The following PVT1 variants were observed in gnomAD, a reference collection of about 807,000 sequenced individuals.
PVT1 encodes CXCR4/PVT1 fusion.
chr8:127,814,298 G>T (rs571286119), intron 2 of PVT1, among the ~76,000 whole-genome samples: 219 of 152,266 alleles, frequency 1.4e-3, no homozygotes, highest in African/African-American at 5.1e-3. Context: ...GCCATATCTG[G>T]GTCTCTCCAG....
At chr8:127,939,184 C>G (rs1054643663) in intron 3 of PVT1, among the ~76,000 whole-genome samples, 1 of 152,222 alleles carries the variant, frequency 6.6e-6, no homozygotes, top group Non-Finnish European at 1.5e-5. Context: ...TCCTCACCTG[C>G]CTTCTCACTT....
At chr8:127,964,594 A>G (rs942458626) in intron 3 of PVT1, among the ~76,000 whole-genome samples, 9 of 152,174 alleles carry the variant, frequency 5.9e-5, no homozygotes, top group Admixed American at 5.2e-4. Context: ...GAAGTCTGAA[A>G]TCAAGGTGTC....
intron 2 of PVT1, among the ~76,000 whole-genome samples, chr8:127,808,520 A>G (rs140389092): frequency 1.3e-4 from 20 of 152,290 alleles, no homozygotes; most frequent in African/African-American, 3.8e-4. Flanking sequence ...GTGTTTGGTC[A>G]TGGAGGGCCT....
At chr8:127,944,749 C>T (rs922145387) in intron 3 of PVT1, among the ~76,000 whole-genome samples, 2 of 152,116 alleles carry the variant, frequency 1.3e-5, no homozygotes, top group African/African-American at 2.4e-5. Flanking sequence ...ACAGTCAGCC[C>T]GGCCCCTTTG....
intron 4 of PVT1, among the ~76,000 whole-genome samples, chr8:128,026,159 T>G (rs889313907): frequency 6.6e-6 from 1 of 152,206 alleles, no homozygotes; most frequent in African/African-American, 2.4e-5. Flanking sequence ...GCCAGGCTGG[T>G]CTCAAACTCC....
chr8:127,880,921 G>A (rs778926470), intron 2 of PVT1, among the ~76,000 whole-genome samples: 4 of 152,208 alleles, frequency 2.6e-5, no homozygotes, highest in Admixed American at 6.5e-5. Context: ...CTTAAGCGAT[G>A]TTGAGTTCCC....
intron 2 of PVT1, among the ~76,000 whole-genome samples, chr8:127,802,088 T>C (rs1814471628): frequency 6.6e-6 from 1 of 152,054 alleles, no homozygotes; most frequent in Non-Finnish European, 1.5e-5. Flanking sequence ...GCTAATTTTG[T>C]ATTTTTAGTA....
intron 2 of PVT1, among the ~76,000 whole-genome samples, chr8:127,812,107 T>G (rs993717190): frequency 8.6e-6 from 1 of 115,946 alleles, no homozygotes; most frequent in Non-Finnish European, 1.7e-5. Context: ...AGACATCGTC[T>G]CAAAAGAAAA....
intron 5 of PVT1, among the ~76,000 whole-genome samples, chr8:128,074,102 C>A (rs1387218681): frequency 6.6e-6 from 1 of 152,100 alleles, no homozygotes; most frequent in Non-Finnish European, 1.5e-5. Flanking sequence ...AAGTGATAGC[C>A]CCAGCAGTAA....
chr8:127,892,906 C>A (rs1815629661), intron 3 of PVT1, among the ~76,000 whole-genome samples: 1 of 152,196 alleles, frequency 6.6e-6, no homozygotes, highest in African/African-American at 2.4e-5. Flanking sequence ...CTCACCCCTT[C>A]CTGCCCTCTC....
At chr8:127,870,552 A>G (rs981942155) in intron 2 of PVT1, among the ~76,000 whole-genome samples, 2 of 152,222 alleles carry the variant, frequency 1.3e-5, no homozygotes, top group African/African-American at 4.8e-5. Context: ...CGGGAGAATG[A>G]GCGGCACTCC....
chr8:127,798,731 C>T (rs1814427373), intron 2 of PVT1, among the ~76,000 whole-genome samples: 1 of 141,392 alleles, frequency 7.1e-6, no homozygotes, highest in South Asian at 2.3e-4. Flanking sequence ...AAAAAATTAG[C>T]CCGGCGTGGT....
chr8:127,947,388 A>G, intron 3 of PVT1: 1 of 246,794 alleles, frequency 4.1e-6, no homozygotes, highest in Non-Finnish European at 8.1e-6. Context: ...TTTGGGCAAA[A>G]ACGGAACCAC....
intron 4 of PVT1, among the ~76,000 whole-genome samples, chr8:128,037,061 AGCCACC>A (rs2130080507): frequency 6.6e-6 from 1 of 152,274 alleles, no homozygotes; most frequent in South Asian, 2.1e-4. Flanking sequence ...CTGACCAGTC[AGCCACC>A]GCCACTGCCA....
At chr8:127,825,594 C>A (rs1378644067) in intron 2 of PVT1, among the ~76,000 whole-genome samples, 1 of 152,200 alleles carries the variant, frequency 6.6e-6, no homozygotes, top group Non-Finnish European at 1.5e-5. Context: ...AGAACTCTGG[C>A]TGCTACGTGG....
intron 4 of PVT1, among the ~76,000 whole-genome samples, chr8:128,018,007 C>T (rs1281225259): frequency 1.3e-5 from 2 of 152,200 alleles, no homozygotes; most frequent in South Asian, 2.1e-4. Context: ...AGAACATTTT[C>T]CGAATCCTGT....
intron 6 of PVT1, among the ~76,000 whole-genome samples, chr8:128,097,931 T>C (rs988208179): frequency 3.3e-5 from 5 of 152,172 alleles, no homozygotes; most frequent in African/African-American, 9.7e-5. Flanking sequence ...AGAGATTTCC[T>C]GCAGGGACTT....
chr8:127,998,338 A>G (rs998959114), intron 4 of PVT1: 16 of 152,126 alleles, frequency 1.1e-4, no homozygotes, highest in African/African-American at 3.1e-4. Flanking sequence ...TTATTTATTT[A>G]TATATCAGCA....
intron 3 of PVT1, among the ~76,000 whole-genome samples, chr8:127,929,052 C>G (rs1295280430): frequency 6.6e-6 from 1 of 152,130 alleles, no homozygotes; most frequent in African/African-American, 2.4e-5. Context: ...TTTTAATATA[C>G]CCCTACTTAG....
Sources: gnomAD v4.1 joint callset for allele counts (sites outside exome capture counted in the v4.1 genomes callset) on GRCh38, gnomAD v4.1.1 for gene constraint, MANE v1.5 for transcripts, NCBI Gene and HGNC (gene_info 2026-07-23, HGNC 2026-07-21) for gene names.